Variants in CALN1 observed in about 807,000 individuals in gnomAD.
The protein encoded by CALN1 is calcium-binding protein 8.
In CALN1, 17 loss-of-function variants were observed where a neutral mutation model predicts 30.6. The ratio of observed to expected loss-of-function variants is 0.56; its 90% CI spans 0.38 to 0.83. The LOEUF is 0.83. CALN1 is among the 40% of genes least tolerant of loss of function. The probability of loss-of-function intolerance (pLI) is 0.00; values close to 1 mark genes in which losing one functional copy is unlikely to be tolerated. For missense variants in CALN1, 291 were observed against 354.9 expected, an observed-to-expected ratio of 0.82 and a Z score of 1.45; for synonymous variants, 156 against 131.4, an observed-to-expected ratio of 1.19 and a Z score of -1.28.
intron 3 of CALN1, among the ~76,000 whole-genome samples, chr7:72,221,957 G>A (rs1398919534): frequency 6.6e-6 from 1 of 151,890 alleles, no homozygotes; most frequent in Non-Finnish European, 1.5e-5. Flanking sequence ...CAGGTGCAGT[G>A]GCTCACGCCT....
intron 5 of CALN1, among the ~76,000 whole-genome samples, chr7:71,912,335 A>G (rs889164392): frequency 6.6e-6 from 1 of 152,132 alleles, no homozygotes; most frequent in African/African-American, 2.4e-5. Flanking sequence ...GATAACAGAC[A>G]GTGCCCTGCC....
chr7:72,146,477 T>G (rs936368576), intron 3 of CALN1, among the ~76,000 whole-genome samples: 3 of 152,002 alleles, frequency 2.0e-5, no homozygotes, highest in African/African-American at 7.3e-5. Flanking sequence ...AGGATACAAA[T>G]AAATGGAAGA....
intron 3 of CALN1, among the ~76,000 whole-genome samples, chr7:72,227,534 C>T (rs1307631760): frequency 2.4e-5 from 3 of 125,388 alleles, no homozygotes; most frequent in Admixed American, 8.3e-5. Context: ...AGAAAGACTC[C>T]GTCTCAAAAA....
intron 4 of CALN1, among the ~76,000 whole-genome samples, chr7:72,046,567 C>G (rs969021490): frequency 2.0e-5 from 3 of 151,756 alleles, no homozygotes; most frequent in African/African-American, 7.3e-5. Context: ...CAAAAATTAG[C>G]TGGGTGTTGG....
chr7:72,467,306 C>T, the CALN1 span, among the ~76,000 whole-genome samples: 1,403 of 152,300 alleles, frequency 9.2e-3, 15 homozygotes, highest in African/African-American at 0.033. Context: ...AATGTCCACA[C>T]GGCAGGGGGG....
At chr7:72,326,158 C>T (rs960070724) in intron 2 of CALN1, among the ~76,000 whole-genome samples, 2 of 152,194 alleles carry the variant, frequency 1.3e-5, no homozygotes, top group Non-Finnish European at 2.9e-5. Flanking sequence ...CTGCCTGGGC[C>T]TCCCAAAGTG....
chr7:72,242,225 C>T (rs969842703), intron 3 of CALN1, among the ~76,000 whole-genome samples: 5 of 152,186 alleles, frequency 3.3e-5, no homozygotes, highest in African/African-American at 1.2e-4. Context: ...CTTTTTAAGG[C>T]TGAATAATAT....
intron 5 of CALN1, among the ~76,000 whole-genome samples, chr7:71,854,393 G>A (rs1191366487): frequency 9.3e-5 from 14 of 151,128 alleles, no homozygotes; most frequent in Admixed American, 9.3e-4. Context: ...AAGAAAGAAA[G>A]AAGGAAAGAA....
At chr7:72,315,477 C>T (rs967182471) in intron 2 of CALN1, among the ~76,000 whole-genome samples, 16 of 151,962 alleles carry the variant, frequency 1.1e-4, no homozygotes, top group Admixed American at 6.6e-4. Context: ...GAGGCCGAGG[C>T]GGGAAGATCA....
chr7:72,364,257 G>C (rs1237513719), intron 2 of CALN1, among the ~76,000 whole-genome samples: 2 of 151,284 alleles, frequency 1.3e-5, no homozygotes, highest in African/African-American at 2.4e-5. Context: ...AGAAATCCCA[G>C]TGAGATTTAG....
chr7:72,254,985 G>A (rs995873385), intron 3 of CALN1, among the ~76,000 whole-genome samples: 1 of 152,130 alleles, frequency 6.6e-6, no homozygotes, highest in African/African-American at 2.4e-5. Flanking sequence ...TAGAGATGGG[G>A]TTTCTCCATG....
At chr7:72,010,553 T>C (rs538694298) in intron 5 of CALN1, among the ~76,000 whole-genome samples, 30 of 152,174 alleles carry the variant, frequency 2.0e-4, no homozygotes, top group Non-Finnish European at 3.7e-4. Flanking sequence ...GGCTCACATC[T>C]GTAATCTCAG....
chr7:72,127,817 C>A (rs888523673), intron 3 of CALN1, among the ~76,000 whole-genome samples: 1 of 151,996 alleles, frequency 6.6e-6, no homozygotes, highest in South Asian at 2.1e-4. Flanking sequence ...AAAATACAGA[C>A]CTTGTTTATT....
chr7:72,026,606 G>T (rs1192723596), intron 4 of CALN1, among the ~76,000 whole-genome samples: 1 of 151,886 alleles, frequency 6.6e-6, no homozygotes, highest in Non-Finnish European at 1.5e-5. Context: ...AATAGAGAGG[G>T]GGTCTTGCTA....
intron 3 of CALN1, among the ~76,000 whole-genome samples, chr7:72,143,643 C>T (rs1293338114): frequency 2.6e-5 from 4 of 151,636 alleles, no homozygotes; most frequent in Admixed American, 1.3e-4. Context: ...AGATACTCCT[C>T]GAGAAGAGCA....
chr7:72,187,166 T>C (rs887522747), intron 3 of CALN1, among the ~76,000 whole-genome samples: 2 of 152,146 alleles, frequency 1.3e-5, no homozygotes, highest in African/African-American at 4.8e-5. Context: ...TCTTCTGTTT[T>C]TTGTGGGAAA....
At chr7:72,122,034 A>G (rs1808433929) in intron 3 of CALN1, among the ~76,000 whole-genome samples, 1 of 151,864 alleles carries the variant, frequency 6.6e-6, no homozygotes, top group African/African-American at 2.4e-5. Flanking sequence ...CAAAATAGTC[A>G]TTCGTCACAC....
chr7:71,834,086 G>T (rs1789454173), intron 5 of CALN1, among the ~76,000 whole-genome samples: 2 of 151,574 alleles, frequency 1.3e-5, no homozygotes. Context: ...GCTGGGCATG[G>T]TAGTGCGTGC....
chr7:71,900,568 G>T (rs919329846), intron 5 of CALN1, among the ~76,000 whole-genome samples: 4 of 152,222 alleles, frequency 2.6e-5, no homozygotes, highest in Non-Finnish European at 5.9e-5. Context: ...CAGGCAGTTA[G>T]TGAAGGAATG....
Sources: gnomAD v4.1 joint callset for allele counts (sites outside exome capture counted in the v4.1 genomes callset) on GRCh38, gnomAD v4.1.1 for gene constraint, MANE v1.5 for transcripts, NCBI Gene and HGNC (gene_info 2026-07-23, HGNC 2026-07-21) for gene names.